Variants in RAB11FIP3 observed in about 807,000 individuals in gnomAD.
RAB11FIP3 encodes rab11 family-interacting protein 3.
Under a neutral mutation model 77.8 loss-of-function variants are expected in RAB11FIP3, and 17 were observed. That is an observed-to-expected ratio of 0.22 (90% CI 0.15 to 0.33). RAB11FIP3 has a LOEUF of 0.33. Among genes scored for constraint, RAB11FIP3 ranks in the 10% least tolerant of loss-of-function variants. RAB11FIP3 has a pLI of 1.00. For synonymous variants in RAB11FIP3, 437 were observed against 448.2 expected (o/e 0.98, Z 0.31); for missense variants, 1,005 against 1,011.2 (o/e 0.99, Z 0.08).
intron 4 of RAB11FIP3, among the ~76,000 whole-genome samples, chr16:484,736 G>C (rs188053323): frequency 2.1e-3 from 326 of 152,338 alleles, no homozygotes; most frequent in Non-Finnish European, 3.7e-3. Context: ...CTCTAGAGTT[G>C]ACTCTCCTGT....
At chr16:434,132 T>C (rs1197394132) in intron 1 of RAB11FIP3, among the ~76,000 whole-genome samples, 1 of 152,196 alleles carries the variant, frequency 6.6e-6, no homozygotes, top group Non-Finnish European at 1.5e-5. Flanking sequence ...AAAATTTCTT[T>C]ATTTTTTGAG....
At chr16:498,826 T>TTAGGGGCTAGGGGC (rs538467717) in intron 6 of RAB11FIP3, among the ~76,000 whole-genome samples, 7,185 of 151,882 alleles carry the variant, frequency 0.047, 233 homozygotes, top group African/African-American at 0.097. Flanking sequence ...TTCTGTCATT[T>TTAGGGGCTAGGGGC]TAGGGGCTAG....
intron 10 of RAB11FIP3, 155 bp downstream of exon 10, chr16:519,179 C>T (rs1456076637): frequency 2.8e-6 from 2 of 723,570 alleles, no homozygotes; most frequent in Non-Finnish European, 4.6e-6. Context: ...CTGGAAGACA[C>T]TGGACCGTGC....
At chr16:509,688 C>T (rs1046022058) in intron 8 of RAB11FIP3, among the ~76,000 whole-genome samples, 4 of 152,186 alleles carry the variant, frequency 2.6e-5, no homozygotes, top group Non-Finnish European at 4.4e-5. Flanking sequence ...TCTGAGGTGA[C>T]CTGGATGGGA....
chr16:450,031 C>A (rs76117827), intron 1 of RAB11FIP3, among the ~76,000 whole-genome samples: 2 of 152,180 alleles, frequency 1.3e-5, no homozygotes, highest in Non-Finnish European at 2.9e-5. Context: ...TGCCCACACT[C>A]AAGAGAGGGG....
At chr16:476,434 C>T (rs1174737793) in intron 3 of RAB11FIP3, among the ~76,000 whole-genome samples, 1 of 152,186 alleles carries the variant, frequency 6.6e-6, no homozygotes, top group African/African-American at 2.4e-5. Flanking sequence ...TAAGCAGGCC[C>T]CACTGCCCGG....
intron 9 of RAB11FIP3, among the ~76,000 whole-genome samples, chr16:518,062 A>G (rs2032499590): frequency 6.6e-6 from 1 of 152,212 alleles, no homozygotes; most frequent in South Asian, 2.1e-4. Flanking sequence ...AGCCTGGGCA[A>G]CAGAGTGAGA....
At chr16:437,611 C>A (rs1376690991) in intron 1 of RAB11FIP3, among the ~76,000 whole-genome samples, 2 of 146,058 alleles carry the variant, frequency 1.4e-5, no homozygotes, top group Non-Finnish European at 3.0e-5. Flanking sequence ...GATATTGAAT[C>A]TCCCAACCCA....
chr16:485,452 G>A (rs936617122), intron 4 of RAB11FIP3, among the ~76,000 whole-genome samples: 53 of 152,142 alleles, frequency 3.5e-4, no homozygotes, highest in African/African-American at 1.1e-3. Flanking sequence ...TAGCTCTGTC[G>A]CCCAGGCTGG....
intron 1 of RAB11FIP3, among the ~76,000 whole-genome samples, chr16:450,405 C>T (rs906493169): frequency 2.6e-5 from 4 of 152,172 alleles, no homozygotes; most frequent in African/African-American, 9.7e-5. Context: ...AGGTCAGTTT[C>T]GAACTCCTGA....
In RAB11FIP3 at chr16:425,696, G is replaced by C. The variant is rs2054925404; in HGVS notation, c.-311G>C. ...TGCTTCACAGGCTCCGCGGCCTCCG[G>C]CCTCCTCGGCCCCCGTCCCCCGGCC... On this transcript the variant is annotated 5_prime_UTR_variant, in exon 1 of 14. Coordinates refer to ENST00000262305, the MANE Select transcript of RAB11FIP3 (RefSeq NM_014700.4). 1 of 274,870 alleles carries C rather than the reference G, an allele frequency of 3.6e-6. No individual in the cohort carries two copies. The allele number at this position is 274,870 out of a possible 1,614,324, so 17.0% of individuals were successfully genotyped here. A position where few individuals can be genotyped will look rare whatever the true frequency, so the allele number is the denominator to read the frequency against.
intron 1 of RAB11FIP3, among the ~76,000 whole-genome samples, chr16:446,703 GT>G (rs368828244): frequency 3.2e-4 from 48 of 148,126 alleles, no homozygotes; most frequent in East Asian, 1.4e-3. Flanking sequence ...AAACTTTTTT[GT>G]TTTTTTTTTG....
chr16:503,251 T>G (rs2031631827), intron 7 of RAB11FIP3, among the ~76,000 whole-genome samples, 154 bp downstream of exon 7: 1 of 152,210 alleles, frequency 6.6e-6, no homozygotes, highest in Non-Finnish European at 1.5e-5. Context: ...CCAGCCCCGA[T>G]GCTCTTTGGC....
intron 1 of RAB11FIP3, among the ~76,000 whole-genome samples, chr16:455,064 A>C (rs953549169): frequency 5.3e-5 from 8 of 150,036 alleles, no homozygotes; most frequent in African/African-American, 2.0e-4. Context: ...AAAAAAACAA[A>C]AAAACTAGGC....
rs775223617 is a variant in RAB11FIP3 at position 426,343 on chromosome 16, G to A, written c.337G>A (p.Glu113Lys). The A allele has an allele frequency of 1.0e-5, 15 of 1,504,962 alleles. No homozygotes were observed. The highest frequency in any genetic ancestry group is 1.3e-5 in the Non-Finnish European group (15 of 1,127,658). The allele number at this position is 1,504,962 out of a possible 1,614,324, so 93.2% of individuals were successfully genotyped here. The change falls in exon 1 of 14, where the codon GAA becomes AAA. Residue 113 changes from glutamate to lysine, a missense_variant. Around this residue, in one of 4 missense-constraint regions of RAB11FIP3, gnomAD observed 466 missense variants for 408.3 expected, o/e 1.14. Coordinates refer to ENST00000262305, the MANE Select transcript of RAB11FIP3 (RefSeq NM_014700.4). This position sits in a 1 kb window ranked among gnomAD's most constrained non-coding sequence, Gnocchi z 5.0. ...CGCCCCGGGCCCAGGGCCGCGCTCC[G>A]AAGCGCCGCTTCCAGAACTCGACCC... ...PDAPGPGPRS[E>K]APLPELDPLF... is the part of the protein sequence containing the mutation.
chr16:479,557 C>T (rs2055991510), intron 3 of RAB11FIP3, among the ~76,000 whole-genome samples: 1 of 151,846 alleles, frequency 6.6e-6, no homozygotes, highest in South Asian at 2.1e-4. Flanking sequence ...AAACAAACAA[C>T]TGAGCCAGGT....
rs2032329608 is a variant in RAB11FIP3 at position 514,802 on chromosome 16, A to C, written c.1640+4002A>C. Among the ~76,000 whole-genome samples the C allele has an allele frequency of 6.6e-6, 1 of 152,180 alleles. No individual in the cohort carries two copies. The highest frequency in any genetic ancestry group is 1.5e-5 in the Non-Finnish European group (1 of 68,028). ...CTGATGGGGCCACAGTGGCATGTCCACAGAGACCGGGGCCTGATTTGCAGC... is the reference window on the plus strand; with the variant it reads ...CTGATGGGGCCACAGTGGCATGTCCCCAGAGACCGGGGCCTGATTTGCAGC... On this transcript the variant is annotated intron_variant, in intron 9 of 13. Coordinates refer to ENST00000262305, the MANE Select transcript of RAB11FIP3 (RefSeq NM_014700.4). The surrounding 1 kb of genome is among the most constrained non-coding windows in gnomAD (Gnocchi z 4.6).
chr16:494,416 A>G (rs2030913430), intron 5 of RAB11FIP3, among the ~76,000 whole-genome samples: 2 of 151,488 alleles, frequency 1.3e-5, no homozygotes, highest in African/African-American at 4.8e-5. Flanking sequence ...AGGTCAGGAG[A>G]TCGAGACCAT....
intron 3 of RAB11FIP3, chr16:474,903 C>G: frequency 2.6e-6 from 4 of 1,518,520 alleles, no homozygotes; most frequent in Non-Finnish European, 3.5e-6. Context: ...TGATGTGCCT[C>G]CAGGTGAGCG....
Sources: gnomAD v4.1 joint callset for allele counts (sites outside exome capture counted in the v4.1 genomes callset) on GRCh38, gnomAD v4.1.1 for gene constraint, gnomAD v4.1.1 regional missense constraint, Gnocchi (gnomAD v3.1) non-coding constraint, MANE v1.5 for transcripts, NCBI Gene and HGNC (gene_info 2026-07-23, HGNC 2026-07-21) for gene names.